The following CSMD1 variants were observed in gnomAD, a reference collection of about 807,000 sequenced individuals.
CSMD1 encodes CUB and Sushi multiple domains 1.
A neutral mutation model predicts 417.5 loss-of-function variants in CSMD1; 213 were observed. The observed-to-expected ratio is 0.51, with a 90% CI of 0.46 to 0.57. The LOEUF is 0.57. CSMD1 is among the 20% of genes least tolerant of loss of function. The pLI is 0.00. For missense variants in CSMD1, 6,923 were observed against 4,529.7 expected, an observed-to-expected ratio of 1.53 and a Z score of -15.17; for synonymous variants, 2,862 against 1,736.8, an observed-to-expected ratio of 1.65 and a Z score of -16.11.
chr8:4,984,536 T>C (rs959786426), intron 1 of CSMD1, among the ~76,000 whole-genome samples: 2 of 152,230 alleles, frequency 1.3e-5, no homozygotes, highest in African/African-American at 4.8e-5. Flanking sequence ...AGTTTTCTTG[T>C]CTGTTCTCCG....
At chr8:3,410,908 A>C (rs1812659255) in intron 12 of CSMD1, among the ~76,000 whole-genome samples, 1 of 152,044 alleles carries the variant, frequency 6.6e-6, no homozygotes, top group African/African-American at 2.4e-5. Context: ...CACAAGATAG[A>C]GGGGTATAGA....
chr8:4,126,324 C>T (rs1046692903), intron 3 of CSMD1, among the ~76,000 whole-genome samples: 1 of 152,194 alleles, frequency 6.6e-6, no homozygotes, highest in Non-Finnish European at 1.5e-5. Flanking sequence ...TCTGTCTGGG[C>T]AGGGGGCAAG....
intron 1 of CSMD1, among the ~76,000 whole-genome samples, chr8:4,889,967 C>A (rs943920327): frequency 3.9e-5 from 6 of 152,132 alleles, no homozygotes; most frequent in African/African-American, 1.4e-4. Context: ...TCAACTACAT[C>A]ACAACTATGA....
chr8:3,526,457 C>T (rs1171315709), intron 10 of CSMD1, among the ~76,000 whole-genome samples: 1 of 151,970 alleles, frequency 6.6e-6, no homozygotes, highest in Non-Finnish European at 1.5e-5. Context: ...AGATATATTA[C>T]CAGAAGCTGG....
At chr8:3,211,165 C>A (rs4319124) in intron 30 of CSMD1, among the ~76,000 whole-genome samples, 4 of 151,994 alleles carry the variant, frequency 2.6e-5, no homozygotes, top group Non-Finnish European at 5.9e-5. Flanking sequence ...CCACTACAGC[C>A]TCCCGAGTAG....
chr8:3,042,111 C>G (rs1462948638), intron 50 of CSMD1, among the ~76,000 whole-genome samples: 2 of 152,120 alleles, frequency 1.3e-5, no homozygotes, highest in Non-Finnish European at 2.9e-5. Flanking sequence ...CCAAGCCACC[C>G]AGGCAGGAGG....
intron 3 of CSMD1, among the ~76,000 whole-genome samples, chr8:4,083,186 C>G (rs1800233264): frequency 1.3e-5 from 2 of 152,096 alleles, no homozygotes; most frequent in African/African-American, 4.8e-5. Context: ...TGAGGAATTG[C>G]CACACTGACT....
intron 9 of CSMD1, among the ~76,000 whole-genome samples, chr8:3,584,798 TC>T (rs35950310): frequency 6.6e-6 from 1 of 152,070 alleles, no homozygotes; most frequent in African/African-American, 2.4e-5. Context: ...GATTTTTTTT[TC>T]CCCAAAGGAA....
intron 3 of CSMD1, among the ~76,000 whole-genome samples, chr8:4,225,880 C>T (rs1455134918): frequency 1.3e-5 from 2 of 152,032 alleles, no homozygotes; most frequent in Admixed American, 1.3e-4. Context: ...TATTTGGATT[C>T]TTCTATTAAG....
intron 1 of CSMD1, among the ~76,000 whole-genome samples, chr8:4,666,368 C>CA (rs1243648368): frequency 1.3e-5 from 2 of 152,106 alleles, no homozygotes; most frequent in Non-Finnish European, 2.9e-5. Flanking sequence ...GAGGCAGAGT[C>CA]AGTGTGAAAG....
chr8:4,241,454 C>G (rs995201230), intron 3 of CSMD1, among the ~76,000 whole-genome samples: 1 of 152,182 alleles, frequency 6.6e-6, no homozygotes, highest in African/African-American at 2.4e-5. Flanking sequence ...GTCACTACAT[C>G]TCCAACTGCA....
intron 3 of CSMD1, among the ~76,000 whole-genome samples, chr8:4,263,612 A>C (rs748393517): frequency 5.3e-5 from 8 of 152,158 alleles, no homozygotes; most frequent in Non-Finnish European, 1.2e-4. Context: ...ACAATCCAGG[A>C]AATTGTCAAA....
intron 3 of CSMD1, among the ~76,000 whole-genome samples, chr8:4,273,447 G>A (rs974354141): frequency 5.3e-5 from 8 of 152,084 alleles, no homozygotes; most frequent in Middle Eastern, 3.4e-3. Flanking sequence ...CTTCAACTCT[G>A]GGGTTTCAGA....
chr8:3,915,497 A>T (rs1036223908), intron 5 of CSMD1, among the ~76,000 whole-genome samples: 96 of 151,928 alleles, frequency 6.3e-4, no homozygotes, highest in Admixed American at 6.6e-4. Context: ...GGATGACATG[A>T]AACAGGACAT....
In CSMD1 at chr8:3,340,709, C is replaced by T. The variant is rs13250742; in HGVS notation, c.3631+2585G>A. Among the ~76,000 whole-genome samples the T allele has an allele frequency of 1.2e-3, 190 of 152,084 alleles. 3 individuals are homozygous for T. Among genetic ancestry groups the T allele is most frequent in the Non-Finnish European group, 2.3e-3 (156 of 67,976 alleles). ...TCTTCAGCTTATTTACTTATATTTA[C>T]AACTAACAATTTAATGTGAGGTTAA... On this transcript the variant is annotated intron_variant, in intron 23 of 69. Transcript: ENST00000635120.
chr8:4,299,379 T>C (rs1383104072), intron 3 of CSMD1, among the ~76,000 whole-genome samples: 1 of 152,144 alleles, frequency 6.6e-6, no homozygotes, highest in Non-Finnish European at 1.5e-5. Flanking sequence ...CTGAAGTGAT[T>C]GTAGATAACC....
chr8:4,128,716 C>T lies in CSMD1; in HGVS notation c.416-96617G>A, dbSNP rs114959482. 2.5e-3 allele frequency among the ~76,000 whole-genome samples: 381 copies of T among 152,204 alleles called. 1 individual carries two copies. Among genetic ancestry groups the T allele is most frequent in the African/African-American group, 8.9e-3 (368 of 41,524 alleles). On this transcript the variant is annotated intron_variant, in intron 3 of 69. Coordinates refer to ENST00000635120, the MANE Select transcript of CSMD1 (RefSeq NM_033225.6). ...TCACGCCCACACACTGTCCACTCAT[C>T]CTTGCTGGATACTTATACTTTCATC...
intron 1 of CSMD1, among the ~76,000 whole-genome samples, chr8:4,723,730 G>A (rs1459346025): frequency 6.8e-6 from 1 of 147,374 alleles, no homozygotes; most frequent in East Asian, 2.0e-4. Flanking sequence ...AATAATGAAA[G>A]GAATTTTCAT....
chr8:3,363,805 G>C (rs556173045), intron 20 of CSMD1, among the ~76,000 whole-genome samples: 4 of 152,314 alleles, frequency 2.6e-5, no homozygotes, highest in South Asian at 2.1e-4. Context: ...TGAAGAAGTA[G>C]ACACGTCGTA....
Sources: gnomAD v4.1 joint callset for allele counts (sites outside exome capture counted in the v4.1 genomes callset) on GRCh38, gnomAD v4.1.1 for gene constraint, MANE v1.5 for transcripts, NCBI Gene and HGNC (gene_info 2026-07-23, HGNC 2026-07-21) for gene names.